SMURF2: variants seen among roughly 807,000 people sequenced by gnomAD.
SMURF2 encodes E3 ubiquitin-protein ligase SMURF2.
In SMURF2, 48 loss-of-function variants were observed where a neutral mutation model predicts 109.6. The ratio of observed to expected loss-of-function variants is 0.44; its 90% CI spans 0.35 to 0.56. The LOEUF (loss-of-function observed/expected upper bound fraction) is 0.56. Ranked by LOEUF, SMURF2 falls within the 20% of genes least tolerant of loss-of-function variation. SMURF2 has a pLI of 0.01. For synonymous variants in SMURF2, 288 were observed against 317.1 expected (o/e 0.91, Z 0.97); for missense variants, 575 against 909.0 (o/e 0.63, Z 4.72).
rs2144579165 is a variant in SMURF2, at chr17:64,545,188, T to C, written c.*660A>G. The C allele has an allele frequency of 6.6e-6, 1 of 152,650 alleles. No individual in the cohort carries two copies. The highest frequency in any genetic ancestry group is 2.1e-4 in the South Asian group (1 of 4,826). 9.5% of individuals were successfully genotyped at this position (152,650 alleles called of 1,614,324 possible). On this transcript the variant is annotated 3_prime_UTR_variant, in exon 19 of 19. Coordinates refer to ENST00000262435, the MANE Select transcript of SMURF2 (RefSeq NM_022739.4). ...ATTAGGAATTTGACAACCAAAATTA[T>C]ATCGCTGTATTCCAGGAAATCCGTT...
chr17:64,647,595 C>T (rs907390022), intron 1 of SMURF2, among the ~76,000 whole-genome samples: 17 of 151,472 alleles, frequency 1.1e-4, no homozygotes, highest in African/African-American at 3.4e-4. Flanking sequence ...GAAGGCAAAT[C>T]GCTTGAACCC....
intron 1 of SMURF2, among the ~76,000 whole-genome samples, chr17:64,629,839 A>G (rs1555691440): frequency 6.6e-6 from 1 of 152,194 alleles, no homozygotes; most frequent in Admixed American, 6.6e-5. Context: ...CAACTCATTC[A>G]AAGTCTAACA....
At chr17:64,658,199 C>CA (rs1007888891) in intron 1 of SMURF2, among the ~76,000 whole-genome samples, 11 of 151,714 alleles carry the variant, frequency 7.3e-5, no homozygotes, top group Middle Eastern at 3.4e-3. Context: ...ACTAAAAATA[C>CA]AAAAAAAACC....
intron 1 of SMURF2, among the ~76,000 whole-genome samples, chr17:64,616,494 C>CA (rs1568196592): frequency 6.6e-6 from 1 of 151,664 alleles, no homozygotes; most frequent in African/African-American, 2.4e-5. Context: ...TCTAAAAATA[C>CA]AAAAAATCAG....
chr17:64,595,772 T>C (rs539779475), intron 3 of SMURF2, among the ~76,000 whole-genome samples: 1 of 152,294 alleles, frequency 6.6e-6, no homozygotes, highest in East Asian at 1.9e-4. Context: ...TTCAACATCA[T>C]TAGTCATGAT....
At chr17:64,594,079 G>A (rs1280488519) in intron 3 of SMURF2, 2 of 152,766 alleles carry the variant, frequency 1.3e-5, no homozygotes, top group African/African-American at 4.8e-5. Context: ...GAGCGAGCAG[G>A]ACTCTTGCAG....
Position 64,547,661 on chromosome 17 carries a change from T to C in SMURF2, c.2010A>G (p.Arg670=). The stretch of plus-strand genomic sequence containing the variant: ...AGGATCCTGTCACAAACTGAAGCAA[T>C]CTTGCTCGTCGCTCTTCATCAAAAA... ...VEFFDEERRA[R]LLQFVTGSSR... The change falls in exon 17 of 19, where the codon AGA becomes AGG. Residue 670 remains arginine (R), a synonymous_variant. Transcript: ENST00000262435. The surrounding 1 kb of genome is among the most constrained non-coding windows in gnomAD (Gnocchi z 4.2). 1 of 1,612,416 alleles carries C rather than the reference T, an allele frequency of 6.2e-7. No homozygotes were observed. The highest frequency in any genetic ancestry group is 8.5e-7 in the Non-Finnish European group (1 of 1,179,810).
chr17:64,595,470 T>G (rs1388107070), intron 3 of SMURF2, among the ~76,000 whole-genome samples: 1 of 152,196 alleles, frequency 6.6e-6, no homozygotes, highest in Non-Finnish European at 1.5e-5. Context: ...CTCTATTAGC[T>G]TCTATTAAAA....
At chr17:64,585,766 C>T (rs1295409426) in intron 6 of SMURF2, among the ~76,000 whole-genome samples, 1 of 152,140 alleles carries the variant, frequency 6.6e-6, no homozygotes, top group African/African-American at 2.4e-5. Context: ...TAATTTAGCA[C>T]TTGCATGGCC....
Position 64,579,710 on chromosome 17 carries a change from A to G in SMURF2, c.772+1079T>C, listed in dbSNP as rs150328085. Among the ~76,000 whole-genome samples the G allele has an allele frequency of 3.4e-3, 522 of 152,306 alleles. 1 individual carries two copies. The highest frequency in any genetic ancestry group is 0.012 in the African/African-American group (499 of 41,564). On this transcript the variant is annotated intron_variant, in intron 8 of 18. Transcript: ENST00000262435. Reference sequence around the variant, plus strand: ...GTGCCAGCATTTCACATGAAATTAGATATCACTGATTTCTTGCAACAAACC... The same window carrying G: ...GTGCCAGCATTTCACATGAAATTAGGTATCACTGATTTCTTGCAACAAACC...
chr17:64,591,379 A>T (rs1361413443), intron 4 of SMURF2, among the ~76,000 whole-genome samples: 2 of 152,224 alleles, frequency 1.3e-5, no homozygotes, highest in African/African-American at 2.4e-5. Context: ...GTTGGTCTTA[A>T]GGAATTTATC....
intron 10 of SMURF2, 73 bp downstream of exon 10, chr17:64,571,725 T>G: frequency 7.0e-7 from 1 of 1,427,332 alleles, no homozygotes; most frequent in Non-Finnish European, 9.5e-7. Context: ...AGACTCACAT[T>G]TATTATTAAA....
chr17:64,600,031 C>A (rs1238703446), intron 2 of SMURF2, among the ~76,000 whole-genome samples: 3 of 152,060 alleles, frequency 2.0e-5, no homozygotes. Context: ...TAACAGGGAG[C>A]CATTTCAGGT....
At chr17:64,631,312 G>C (rs984867367) in intron 1 of SMURF2, among the ~76,000 whole-genome samples, 9 of 130,996 alleles carry the variant, frequency 6.9e-5, no homozygotes, top group South Asian at 2.5e-4. Context: ...GAGAGAGAGA[G>C]AGAGAGAGAG....
intron 8 of SMURF2, 72 bp downstream of exon 8, chr17:64,580,717 T>C (rs1199754091): frequency 2.1e-6 from 3 of 1,444,196 alleles, no homozygotes; most frequent in Non-Finnish European, 2.9e-6. Flanking sequence ...TTTTTCAAAA[T>C]ATATTTTCTG....
rs550572848 is a variant in SMURF2, at chr17:64,565,713, T to C, written c.1017-2747A>G. On this transcript the variant is annotated intron_variant, in intron 10 of 18. Transcript: ENST00000262435. The stretch of plus-strand genomic sequence containing the variant: ...AGTTCTGTAACTGCTTGAGGCCCCA[T>C]TTTTCTCACTGATGAGAAAGAGGTA... 1.9e-4 allele frequency among the ~76,000 whole-genome samples: 29 copies of C among 152,146 alleles called. No individual in the cohort carries two copies. The South Asian group carries it at 4.8e-3, about 25-fold the overall frequency.
intron 2 of SMURF2, among the ~76,000 whole-genome samples, 185 bp from the exon 3 acceptor site, chr17:64,598,675 C>G (rs1969851226): frequency 6.6e-6 from 1 of 152,052 alleles, no homozygotes; most frequent in African/African-American, 2.4e-5. Context: ...AATACCAAAA[C>G]TATATTTTTT....
At position 64,571,833 on chromosome 17, in the gene SMURF2, A is replaced by G. The variant is rs1969403037; in HGVS notation, c.981T>C (p.Asp327=). ...AATGCAAGTTAGCAGACAGCCGAGGATCTGTAAATTGTGTTGTTCTGTTGT... is the reference window on the plus strand; with the variant it reads ...AATGCAAGTTAGCAGACAGCCGAGGGTCTGTAAATTGTGTTGTTCTGTTGT... ...DHNNRTTQFT[D]PRLSANLHLV... The change falls in exon 10 of 19, where the codon GAT becomes GAC. Residue 327 remains aspartate, a synonymous_variant. Transcript: ENST00000262435. 6.2e-7 allele frequency: 1 copy of G among 1,612,770 alleles called. No individual in the cohort carries two copies. The highest frequency in any genetic ancestry group is 8.5e-7 in the Non-Finnish European group (1 of 1,179,478).
chr17:64,609,562 C>G (rs1019936213), intron 1 of SMURF2, among the ~76,000 whole-genome samples: 1 of 152,130 alleles, frequency 6.6e-6, no homozygotes, highest in Non-Finnish European at 1.5e-5. Context: ...GGAAAACTGA[C>G]TAGCCATATG....
Sources: gnomAD v4.1 joint callset for allele counts (sites outside exome capture counted in the v4.1 genomes callset) on GRCh38, gnomAD v4.1.1 for gene constraint, Gnocchi (gnomAD v3.1) non-coding constraint, MANE v1.5 for transcripts, NCBI Gene and HGNC (gene_info 2026-07-23, HGNC 2026-07-21) for gene names.